Variants in ANO2 observed in about 807,000 individuals in gnomAD.
The protein encoded by ANO2 is anoctamin-2.
ANO2 carries 101 observed loss-of-function variants against 124.2 expected under a neutral mutation model. That is an observed-to-expected ratio of 0.81 (90% confidence interval 0.69 to 0.96). The LOEUF (loss-of-function observed/expected upper bound fraction) is 0.96. Ranked by LOEUF, ANO2 falls within the 40% of genes least tolerant of loss-of-function variation. ANO2 has a pLI of 0.00. For missense variants in ANO2, 1,293 were observed against 1,274.5 expected, an observed-to-expected ratio of 1.01 and a Z score of -0.22; for synonymous variants, 486 against 482.5, an observed-to-expected ratio of 1.01 and a Z score of -0.09.
At chr12:5,689,865 T>C (rs187460735) in intron 14 of ANO2, among the ~76,000 whole-genome samples, 3 of 152,294 alleles carry the variant, frequency 2.0e-5, no homozygotes, top group Admixed American at 2.0e-4. Flanking sequence ...TTCCCTTCTT[T>C]GAGTCTTCTA....
intron 3 of ANO2, among the ~76,000 whole-genome samples, chr12:5,905,976 C>T (rs1383762835): frequency 6.6e-6 from 1 of 152,202 alleles, no homozygotes; most frequent in Non-Finnish European, 1.5e-5. Context: ...CTTCGGGCGT[C>T]TCCTCAGGGT....
At chr12:5,772,404 C>T (rs1345591404) in intron 10 of ANO2, among the ~76,000 whole-genome samples, 2 of 152,200 alleles carry the variant, frequency 1.3e-5, no homozygotes, top group Non-Finnish European at 2.9e-5. Context: ...TCGCCTAAAT[C>T]TTCTCTTTCA....
intron 20 of ANO2, among the ~76,000 whole-genome samples, chr12:5,581,469 A>G (rs1942754507): frequency 6.6e-6 from 1 of 151,676 alleles, no homozygotes. Context: ...GAAAAATGGG[A>G]CTCTCCACTT....
Position 5,635,444 on chromosome 12 carries a change from T to A in ANO2, c.1621-97A>T, listed in dbSNP as rs1199735688. The A allele has an allele frequency of 1.0e-6, 1 of 961,808 alleles. No homozygotes were observed. The highest frequency in any genetic ancestry group is 1.4e-6 in the Non-Finnish European group (1 of 710,388). The allele number at this position is 961,808 out of a possible 1,614,324, so 59.6% of individuals were successfully genotyped here. A position where few individuals can be genotyped will look rare whatever the true frequency, so the allele number is the denominator to read the frequency against. ...AGTACCATTTGCTGTTATCAGATAT[T>A]ATTAATCTGGAATCTTTTGTTGGGT... is the stretch of plus-strand genomic sequence containing the variant. On this transcript the variant is annotated intron_variant, in intron 15 of 24. Coordinates refer to ENST00000682330, the MANE Select transcript of ANO2 (RefSeq NM_001364791.2). This position sits in a 1 kb window ranked among gnomAD's most constrained non-coding sequence, Gnocchi z 5.2.
intron 9 of ANO2, among the ~76,000 whole-genome samples, chr12:5,804,713 G>C (rs1308843451): frequency 3.3e-5 from 5 of 152,132 alleles, no homozygotes; most frequent in African/African-American, 1.2e-4. Flanking sequence ...TCTTTCCAAA[G>C]ACAAATACAT....
At chr12:5,745,227 A>G (rs1951231476) in intron 11 of ANO2, among the ~76,000 whole-genome samples, 1 of 152,202 alleles carries the variant, frequency 6.6e-6, no homozygotes, top group Non-Finnish European at 1.5e-5. Flanking sequence ...CCTCTATACC[A>G]TACACTGATA....
rs967323224 is a variant in ANO2, at chr12:5,900,923, C to T, written c.534+20117G>A. ...GTCTCAGTCTAGGTCATTCCCCTGC[C>T]GGCAGCACTTTGATGGCTTTTTGTA... is the stretch of plus-strand genomic sequence containing the variant. On this transcript the variant is annotated intron_variant, in intron 3 of 24. Transcript: ENST00000682330. The surrounding 1 kb of genome is among the most constrained non-coding windows in gnomAD (Gnocchi z 4.2). Among the ~76,000 whole-genome samples, 1 of 152,160 alleles carries T rather than the reference C, an allele frequency of 6.6e-6. No homozygotes were observed. Among genetic ancestry groups the T allele is most frequent in the Admixed American group, 6.5e-5 (1 of 15,282 alleles).
chr12:5,612,080 T>C (rs1310359257), intron 19 of ANO2, among the ~76,000 whole-genome samples: 2 of 152,250 alleles, frequency 1.3e-5, no homozygotes, highest in Non-Finnish European at 2.9e-5. Context: ...TTCTTTCTTT[T>C]AGGTCCAGTA....
intron 14 of ANO2, among the ~76,000 whole-genome samples, chr12:5,694,251 C>G (rs866263980): frequency 1.9e-4 from 26 of 133,882 alleles, no homozygotes; most frequent in Admixed American, 1.0e-3. Context: ...TTACCAGAGA[C>G]AGAGAGAGAG....
rs141073159 is a variant in ANO2 at position 5,607,731 on chromosome 12, C to T, written c.2087+4925G>A. On this transcript the variant is annotated intron_variant, in intron 19 of 24. Coordinates refer to ENST00000682330, the MANE Select transcript of ANO2 (RefSeq NM_001364791.2). ...GATTCTCACAGGAGCGTGAACCCTA[C>T]GTGAACTGTGCATGCGAGGGATCTA... Among the ~76,000 whole-genome samples the T allele has an allele frequency of 5.0e-3, 759 of 152,270 alleles. 3 individuals are homozygous for T. Among genetic ancestry groups the T allele is most frequent in the Non-Finnish European group, 8.0e-3 (542 of 68,022 alleles).
At position 5,925,415 on chromosome 12, in the gene ANO2, C is replaced by CAGAG. The variant is rs1942037004; in HGVS notation, c.23-2612_23-2611insCTCT. Among the ~76,000 whole-genome samples, 1 of 152,182 alleles carries CAGAG rather than the reference C, an allele frequency of 6.6e-6. No homozygotes were observed. The highest frequency in any genetic ancestry group is 1.5e-5 in the Non-Finnish European group (1 of 68,048). The stretch of plus-strand genomic sequence containing the variant: ...CCTGGGAACTCTGCTTCCCTTCTCT[C>CAGAG]CCTCTCCCCACAAGTGATTAGAGCA... On this transcript the variant is annotated intron_variant, in intron 1 of 24. Transcript: ENST00000682330. This position sits in a 1 kb window ranked among gnomAD's most constrained non-coding sequence, Gnocchi z 4.6.
chr12:5,574,096 A>C (rs1179771574), intron 23 of ANO2, among the ~76,000 whole-genome samples: 1 of 152,186 alleles, frequency 6.6e-6, no homozygotes, highest in African/African-American at 2.4e-5. Flanking sequence ...AGAAAGCCCT[A>C]TGTTGGTCCC....
intron 3 of ANO2, among the ~76,000 whole-genome samples, chr12:5,913,434 C>T (rs562802147): frequency 4.9e-4 from 75 of 152,310 alleles, no homozygotes; most frequent in Non-Finnish European, 8.4e-4. Context: ...AGTGGGCTCA[C>T]GGCCCTGGCG....
In ANO2 at chr12:5,827,831, A is replaced by G. The variant is rs776622184; in HGVS notation, c.841-11T>C. The G allele has an allele frequency of 7.5e-6, 12 of 1,608,174 alleles. No individual in the cohort carries two copies. The highest frequency in any genetic ancestry group is 1.3e-5 in the African/African-American group (1 of 74,800). ...CAGGATCTCGTGCACCTAAAAGGGG[A>G]CGACAGCAGAGCTGTGAGCTCCTAG... On this transcript the variant is annotated splice_polypyrimidine_tract_variant and intron_variant, in intron 6 of 24. Transcript: ENST00000682330.
rs114714130 is a variant in ANO2, at chr12:5,892,757, G to T, written c.534+28283C>A. The stretch of plus-strand genomic sequence containing the variant: ...AAGGTAATTTATTGCCAACAGACTT[G>T]GTTCAAAGAATTGCTAAAGGAAATT... On this transcript the variant is annotated intron_variant, in intron 3 of 24. Transcript: ENST00000682330. Among the ~76,000 whole-genome samples, 827 of 152,174 alleles carry T rather than the reference G, an allele frequency of 5.4e-3. 6 individuals carry two copies. The highest frequency in any genetic ancestry group is 0.019 in the African/African-American group (802 of 41,530).
chr12:5,722,431 T>C (rs1950268565), intron 14 of ANO2, among the ~76,000 whole-genome samples: 3 of 152,148 alleles, frequency 2.0e-5, no homozygotes, highest in South Asian at 2.1e-4. Flanking sequence ...GGCGTGAACC[T>C]GGGAGGCAGA....
rs186764556 is a variant in ANO2 at position 5,571,242 on chromosome 12, G to A, written c.2621+4592C>T. ...GAGCTGGGAAGTCAAGCCTACATCC[G>A]TCCTCCAGGACGTGGCGGCCCTTCG... On this transcript the variant is annotated intron_variant, in intron 23 of 24. Coordinates refer to ENST00000682330, the MANE Select transcript of ANO2 (RefSeq NM_001364791.2). 7.9e-4 allele frequency among the ~76,000 whole-genome samples: 120 copies of A among 152,298 alleles called. 1 individual carries two copies. The highest frequency in any genetic ancestry group is 6.8e-3 in the Middle Eastern group (2 of 294).
intron 3 of ANO2, among the ~76,000 whole-genome samples, chr12:5,915,621 T>G (rs951740034): frequency 5.1e-4 from 77 of 152,304 alleles, no homozygotes; most frequent in African/African-American, 1.8e-3. Context: ...GTGGGACAGC[T>G]GAGCAGGTGG....
chr12:5,830,396 C>A, intron 6 of ANO2, 39 bp downstream of exon 6: 2 of 1,600,438 alleles, frequency 1.2e-6, no homozygotes, highest in Non-Finnish European at 8.5e-7. Flanking sequence ...CAGCCCTTTC[C>A]CCATCCTCTT....
Sources: allele counts gnomAD v4.1 joint callset (sites outside exome capture counted in the v4.1 genomes callset), GRCh38; gene constraint gnomAD v4.1.1; non-coding constraint Gnocchi (gnomAD v3.1); transcripts MANE v1.5; gene names NCBI Gene and HGNC (gene_info 2026-07-23, HGNC 2026-07-21).